The following CHEK2 variants were observed in gnomAD, a reference collection of about 807,000 sequenced individuals.
The protein encoded by CHEK2 is checkpoint kinase 2, also known as serine/threonine-protein kinase Chk2.
In CHEK2, 71 loss-of-function variants were observed where a neutral mutation model predicts 69.1. The ratio of observed to expected loss-of-function variants is 1.03; its 90% confidence interval spans 0.85 to 1.25. The LOEUF (loss-of-function observed/expected upper bound fraction) is 1.25, where lower values mean the gene tolerates loss of function less well. Ranked by LOEUF, CHEK2 falls within the 50% of genes most tolerant of loss-of-function variation. The pLI, the probability that CHEK2 is intolerant of heterozygous loss-of-function variation, is 0.00. For missense variants in CHEK2, 664 were observed against 649.6 expected (o/e 1.02, Z -0.24); for synonymous variants, 189 against 226.9 (o/e 0.83, Z 1.50).
At chr22:28,715,485 T>C (rs896933571) in intron 5 of CHEK2, among the ~76,000 whole-genome samples, 3 of 152,132 alleles carry the variant, frequency 2.0e-5, no homozygotes, top group African/African-American at 7.2e-5. Flanking sequence ...AGTGATGCCA[T>C]CTTGGCTCAC....
In CHEK2 at chr22:28,708,278, G is replaced by A. The variant is rs897870029; in HGVS notation, c.846+1728C>T. 4.0e-5 allele frequency among the ~76,000 whole-genome samples: 6 copies of A among 151,628 alleles called. 1 individual carries two copies. The East Asian group carries it at 1.2e-3, about 30-fold the overall frequency. The stretch of plus-strand genomic sequence containing the variant: ...GAGGCTGAGGCAGGAGTATCGCTTG[G>A]TCCCAGGAGTTTGAGGCTGCAGTGA... On this transcript the variant is annotated intron_variant, in intron 7 of 14. Transcript: ENST00000404276.
chr22:28,728,111 G>A (rs2054072749), intron 2 of CHEK2: 1 of 152,152 alleles, frequency 6.6e-6, no homozygotes. Context: ...GAGTGAGAGT[G>A]AGACCCTATC....
intron 1 of CHEK2, chr22:28,737,922 T>G (rs2054459118): frequency 6.6e-6 from 1 of 152,290 alleles, no homozygotes; most frequent in Non-Finnish European, 1.5e-5. Flanking sequence ...ATACAAAGGT[T>G]CTGCCAGGTG....
chr22:28,725,477 A>G (rs777948841), intron 2 of CHEK2, 110 bp from the exon 3 acceptor site: 1 of 1,232,206 alleles, frequency 8.1e-7, no homozygotes, highest in Non-Finnish European at 1.2e-6. Context: ...GGCAATCAGA[A>G]TTATCAATCT....
chr22:28,741,617 G>T (rs1441185225), intron 1 of CHEK2, among the ~76,000 whole-genome samples, 152 bp downstream of exon 1: 1 of 152,036 alleles, frequency 6.6e-6, no homozygotes. Flanking sequence ...CCTCGAGGAT[G>T]ATCTACTGAA....
chr22:28,696,051 C>T (rs1156964763), intron 10 of CHEK2, among the ~76,000 whole-genome samples, 178 bp from the exon 11 acceptor site: 1 of 152,158 alleles, frequency 6.6e-6, no homozygotes, highest in East Asian at 1.9e-4. Flanking sequence ...TTTAATTTTG[C>T]TTAAATTAAA....
At chr22:28,699,183 G>A (rs1025097084) in intron 9 of CHEK2, among the ~76,000 whole-genome samples, 1 of 151,820 alleles carries the variant, frequency 6.6e-6, no homozygotes, top group Non-Finnish European at 1.5e-5. Context: ...TTTATTTTTT[G>A]TAGAGATGGG....
chr22:28,719,940 T>A (rs746996310), intron 4 of CHEK2, among the ~76,000 whole-genome samples: 1 of 152,158 alleles, frequency 6.6e-6, no homozygotes, highest in Non-Finnish European at 1.5e-5. Flanking sequence ...ACGGGTATTA[T>A]CATCTCTCAG....
At chr22:28,697,679 C>G (rs1235293737) in intron 9 of CHEK2, among the ~76,000 whole-genome samples, 1 of 152,004 alleles carries the variant, frequency 6.6e-6, no homozygotes, top group Non-Finnish European at 1.5e-5. Context: ...AAGTGATCCT[C>G]CCACCTCAGC....
rs369223840 is a variant in CHEK2, at chr22:28,725,012, T to A, written c.557A>T (p.Asn186Ile). The A allele has an allele frequency of 1.2e-6, 2 of 1,614,080 alleles. No homozygotes were observed. Among genetic ancestry groups the A allele is most frequent in the East Asian group, 2.2e-5 (1 of 44,858 alleles). ...GCTTAGTGACAGTGCAATTTCAGAA[T>A]TGTTATTCAAAGGACGGCGTTTTCC... is the stretch of plus-strand genomic sequence containing the variant. ...GKGKRRPLNN[N>I]SEIALSLSRN... The change falls in exon 4 of 15, where the codon AAT (asparagine) becomes ATT (isoleucine). Residue 186 changes from asparagine to isoleucine, a missense_variant. Coordinates refer to ENST00000404276, the MANE Select transcript of CHEK2 (RefSeq NM_007194.4).
intron 5 of CHEK2, among the ~76,000 whole-genome samples, chr22:28,713,195 G>A (rs1356560495): frequency 6.6e-6 from 1 of 152,142 alleles, no homozygotes; most frequent in Non-Finnish European, 1.5e-5. Context: ...AAGTATCACA[G>A]TTTATCTATT....
At position 28,699,905 on chromosome 22, in the gene CHEK2, A is replaced by G; in HGVS notation, c.941T>C (p.Val314Ala). ...AGCTTCTTTCAGGCGTTTATTCCCC[A>G]CCACTTTGTCAAACAGCTCTCCCCC... ...MEGGELFDKV[V>A]GNKRLKEATC... Residue 314 changes from valine (V) to alanine (A), a missense_variant, in exon 9 of 15, where the codon GTG becomes GCG. Coordinates refer to ENST00000404276, the MANE Select transcript of CHEK2 (RefSeq NM_007194.4). 6.2e-7 allele frequency: 1 copy of G among 1,614,080 alleles called. No homozygotes were observed. The highest frequency in any genetic ancestry group is 8.5e-7 in the Non-Finnish European group (1 of 1,179,976).
intron 7 of CHEK2, among the ~76,000 whole-genome samples, chr22:28,706,865 G>A (rs1015677672): frequency 2.6e-5 from 4 of 152,128 alleles, no homozygotes; most frequent in Admixed American, 6.5e-5. Context: ...GCAGTAAGCC[G>A]AGATCATGCC....
intron 1 of CHEK2, among the ~76,000 whole-genome samples, chr22:28,735,341 G>A (rs1013830809): frequency 6.6e-6 from 1 of 152,022 alleles, no homozygotes. Flanking sequence ...GGGAGGCAGA[G>A]GTTGCAGTGA....
intron 13 of CHEK2, among the ~76,000 whole-genome samples, chr22:28,692,845 T>G (rs1297228550): frequency 6.6e-6 from 1 of 152,208 alleles, no homozygotes; most frequent in Non-Finnish European, 1.5e-5. Context: ...CAGGCTATTC[T>G]CGTGATAGTG....
At chr22:28,704,129 C>G (rs1007317964) in intron 7 of CHEK2, among the ~76,000 whole-genome samples, 9 of 117,180 alleles carry the variant, frequency 7.7e-5, no homozygotes, top group African/African-American at 2.2e-4. Context: ...CAGACACACA[C>G]ACACACACAC....
intron 2 of CHEK2, among the ~76,000 whole-genome samples, chr22:28,725,866 G>A (rs907760627): frequency 1.0e-4 from 15 of 150,432 alleles, no homozygotes; most frequent in East Asian, 4.0e-4. Flanking sequence ...CTGAGACTGC[G>A]CCACTGCACA....
intron 4 of CHEK2, among the ~76,000 whole-genome samples, chr22:28,720,982 C>G (rs2053754035): frequency 1.3e-5 from 2 of 152,172 alleles, no homozygotes; most frequent in African/African-American, 4.8e-5. Flanking sequence ...AGGAGGCAGC[C>G]TCTACTCAGT....
chr22:28,733,596 G>A (rs1329332154), intron 2 of CHEK2, among the ~76,000 whole-genome samples: 3 of 152,072 alleles, frequency 2.0e-5, no homozygotes, highest in African/African-American at 7.2e-5. Context: ...AGGGTCTGAA[G>A]GCAGGGAATC....
Sources: allele counts gnomAD v4.1 joint callset (sites outside exome capture counted in the v4.1 genomes callset), GRCh38; gene constraint gnomAD v4.1.1; transcripts MANE v1.5; gene names NCBI Gene and HGNC (gene_info 2026-07-23, HGNC 2026-07-21).